EIF2A: variants seen among roughly 807,000 people sequenced by gnomAD.
EIF2A encodes the protein eukaryotic translation initiation factor 2A.
A neutral mutation model predicts 75.2 loss-of-function variants in EIF2A; 62 were observed. That is an observed-to-expected ratio of 0.82 (90% CI 0.67 to 1.02). EIF2A has a LOEUF of 1.02. Among genes scored for constraint, EIF2A ranks in the 50% least tolerant of loss-of-function variants. The pLI, the probability that EIF2A is intolerant of heterozygous loss-of-function variation, is 0.00. For missense variants in EIF2A, 611 were observed against 677.7 expected (o/e 0.90, Z 1.09); for synonymous variants, 207 against 239.0 (o/e 0.87, Z 1.23).
chr3:150,560,022 A>G (rs930567567), intron 3 of EIF2A, among the ~76,000 whole-genome samples: 2 of 152,150 alleles, frequency 1.3e-5, no homozygotes, highest in African/African-American at 2.4e-5. Context: ...GGGCTATACT[A>G]TACTTCTTTT....
At chr3:150,556,262 G>A (rs1402546632) in intron 2 of EIF2A, among the ~76,000 whole-genome samples, 3 of 152,190 alleles carry the variant, frequency 2.0e-5, no homozygotes, top group African/African-American at 7.2e-5. Context: ...AGATATTTAT[G>A]TGTCTCCTGG....
At chr3:150,553,374 A>T (rs923216098) in intron 2 of EIF2A, among the ~76,000 whole-genome samples, 4 of 151,376 alleles carry the variant, frequency 2.6e-5, no homozygotes, top group Admixed American at 1.3e-4. Context: ...TTCTAGCTTT[A>T]TATCAGGTTG....
intron 1 of EIF2A, 107 bp from the exon 2 acceptor site, chr3:150,552,249 G>A (rs1723353069): frequency 2.4e-6 from 2 of 847,490 alleles, no homozygotes; most frequent in Non-Finnish European, 3.7e-6. Context: ...AATATTTAAT[G>A]ATTTCATTAA....
At chr3:150,561,920 G>A (rs13093942) in intron 3 of EIF2A, among the ~76,000 whole-genome samples, 47,469 of 150,942 alleles carry the variant, frequency 0.31, 8,163 homozygotes, top group East Asian at 0.48. Context: ...TGCCACGCCC[G>A]GCTAATTTTT....
At chr3:150,579,602 C>T (rs1576607385) in intron 11 of EIF2A, among the ~76,000 whole-genome samples, 1 of 151,524 alleles carries the variant, frequency 6.6e-6, no homozygotes, top group South Asian at 2.1e-4. Context: ...GTAATCCCAT[C>T]TACTTGGGAG....
intron 1 of EIF2A, among the ~76,000 whole-genome samples, chr3:150,547,966 T>C (rs1156559662): frequency 1.3e-5 from 2 of 152,216 alleles, no homozygotes; most frequent in Non-Finnish European, 2.9e-5. Context: ...ATTTGAACTC[T>C]AATGAAAAAA....
Position 150,583,207 on chromosome 3 carries a change from A to G in EIF2A, c.1634A>G (p.Lys545Arg). The G allele has an allele frequency of 2.5e-6, 4 of 1,612,546 alleles. No individual in the cohort carries two copies. Among genetic ancestry groups the G allele is most frequent in the Non-Finnish European group, 3.4e-6 (4 of 1,179,458 alleles). Residue 545 changes from lysine (K) to arginine (R), a missense_variant, in exon 13 of 14, where the codon AAA becomes AGA. Physicochemically the swap from Lys to Arg is conservative, Grantham distance 26. Coordinates refer to ENST00000460851, the MANE Select transcript of EIF2A (RefSeq NM_032025.5). ...CATATTTGATGTTTGCAGAAACTGA[A>G]AGCAATCGAACAACTGAAAGAACAA... Reference protein sequence around the residue: ...KKIKNLKKKLKAIEQLKEQAA... With the variant: ...KKIKNLKKKLRAIEQLKEQAA...
chr3:150,558,301 A>G (rs1723671864), intron 2 of EIF2A, 87 bp from the exon 3 acceptor site: 1 of 1,158,644 alleles, frequency 8.6e-7, no homozygotes, highest in Non-Finnish European at 1.2e-6. Context: ...TATTAAATTG[A>G]TAGTGAAATG....
rs912752060 is a variant in EIF2A, at chr3:150,562,914, G to C, written c.292+254G>C. On this transcript the variant is annotated intron_variant, in intron 4 of 13. Coordinates refer to ENST00000460851, the MANE Select transcript of EIF2A (RefSeq NM_032025.5). ...CTAAAGGAAAAGAAAAAGCTCAAGG[G>C]AAAATTCAGGAAGTAAATAACTGCT... The C allele has an allele frequency of 5.1e-5, 13 of 253,316 alleles. No individual in the cohort carries two copies. In the East Asian group the frequency reaches 1.2e-3, roughly 23 times the overall value. 15.7% of individuals were successfully genotyped at this position (253,316 alleles called of 1,614,324 possible).
At chr3:150,570,287 A>G (rs181223078) in intron 9 of EIF2A, among the ~76,000 whole-genome samples, 1 of 152,332 alleles carries the variant, frequency 6.6e-6, no homozygotes, top group East Asian at 1.9e-4. Context: ...GTTGGGGAAA[A>G]TATGTTTTTT....
At chr3:150,550,348 T>C (rs1399810024) in intron 1 of EIF2A, among the ~76,000 whole-genome samples, 5 of 152,214 alleles carry the variant, frequency 3.3e-5, no homozygotes, top group Admixed American at 3.3e-4. Flanking sequence ...AAAAAAATTG[T>C]TTCAGTATTG....
intron 10 of EIF2A, among the ~76,000 whole-genome samples, chr3:150,575,024 T>TA (rs1724776234): frequency 6.6e-6 from 1 of 152,236 alleles, no homozygotes; most frequent in Non-Finnish European, 1.5e-5. Context: ...ATATAGTTGT[T>TA]ACATGGTTAC....
At chr3:150,553,174 C>T (rs1044543911) in intron 2 of EIF2A, among the ~76,000 whole-genome samples, 8 of 151,980 alleles carry the variant, frequency 5.3e-5, no homozygotes, top group East Asian at 1.9e-4. Context: ...AAAAATTAGC[C>T]GGGTGTGGGG....
At position 150,568,241 on chromosome 3, in the gene EIF2A, C is replaced by A; in HGVS notation, c.760C>A (p.Gln254Lys). The A allele has an allele frequency of 6.2e-7, 1 of 1,613,724 alleles. No individual in the cohort carries two copies. Among genetic ancestry groups the A allele is most frequent in the Non-Finnish European group, 8.5e-7 (1 of 1,179,768 alleles). The stretch of plus-strand genomic sequence containing the variant: ...GACAGGAGCTTCCTACTATGGAGAA[C>A]AAACTCTACACTACATTGCAACAAA... ...DKTGASYYGE[Q>K]TLHYIATNGE... The change falls in exon 9 of 14, where the codon CAA (glutamine) becomes AAA (lysine). Residue 254 changes from glutamine (Q) to lysine (K), a missense_variant. Physicochemically the swap from Gln to Lys is moderately conservative, Grantham distance 53 (BLOSUM62 1). Transcript: ENST00000460851.
chr3:150,557,640 C>T, intron 2 of EIF2A: 1 of 338,488 alleles, frequency 3.0e-6, no homozygotes, highest in Non-Finnish European at 5.8e-6. Context: ...CTCAGGTGAT[C>T]CGCCTGCCTC....
intron 2 of EIF2A, among the ~76,000 whole-genome samples, chr3:150,556,130 G>A (rs1170343991): frequency 6.6e-6 from 1 of 152,170 alleles, no homozygotes; most frequent in South Asian, 2.1e-4. Context: ...AACCAGTGGC[G>A]TTAGGAGATG....
Position 150,584,044 on chromosome 3 carries a change from TCTA to T in EIF2A, c.*137_*139del, listed in dbSNP as rs1455644967. On this transcript the variant is annotated 3_prime_UTR_variant, in exon 14 of 14. Coordinates refer to ENST00000460851, the MANE Select transcript of EIF2A (RefSeq NM_032025.5). ...ATAATTTTAACCATTTATCCAAGAT[TCTA>T]CTAAGTGTAAAATTATTTAATAATG... The T allele has an allele frequency of 1.2e-5, 9 of 772,006 alleles. No homozygotes were observed. The highest frequency in any genetic ancestry group is 3.4e-5 in the Admixed American group (1 of 29,830). 47.8% of individuals were successfully genotyped at this position (772,006 alleles called of 1,614,324 possible). A position where few individuals can be genotyped will look rare whatever the true frequency, so the allele number is the denominator to read the frequency against.
At chr3:150,571,122 T>C (rs552809843) in intron 9 of EIF2A, among the ~76,000 whole-genome samples, 1 of 152,098 alleles carries the variant, frequency 6.6e-6, no homozygotes, top group African/African-American at 2.4e-5. Context: ...AGGGTTGCCT[T>C]TGTGTAAAAT....
At chr3:150,573,071 G>A (rs1441769293) in intron 10 of EIF2A, among the ~76,000 whole-genome samples, 1 of 151,984 alleles carries the variant, frequency 6.6e-6, no homozygotes, top group Non-Finnish European at 1.5e-5. Context: ...TCCTATTTCT[G>A]TATTGGAATT....
Sources: gnomAD v4.1 joint callset for allele counts (sites outside exome capture counted in the v4.1 genomes callset) on GRCh38, gnomAD v4.1.1 for gene constraint, MANE v1.5 for transcripts, NCBI Gene and HGNC (gene_info 2026-07-23, HGNC 2026-07-21) for gene names.